CCDC178: variants seen among roughly 807,000 people sequenced by gnomAD.
CCDC178 encodes the protein coiled-coil domain containing 178.
A neutral mutation model predicts 117.4 loss-of-function variants in CCDC178; 126 were observed. The observed-to-expected ratio is 1.07, with a 90% CI of 0.93 to 1.24. The LOEUF (loss-of-function observed/expected upper bound fraction) is 1.24. Ranked by LOEUF, CCDC178 falls within the 50% of genes most tolerant of loss-of-function variation. The pLI, the probability that CCDC178 is intolerant of heterozygous loss-of-function variation, is 0.00. For missense variants in CCDC178, 1,030 were observed against 986.9 expected (o/e 1.04, Z -0.59); for synonymous variants, 283 against 313.4 (o/e 0.90, Z 1.02).
At chr18:33,014,019 C>T (rs1169551597) in intron 21 of CCDC178, among the ~76,000 whole-genome samples, 1 of 152,184 alleles carries the variant, frequency 6.6e-6, no homozygotes, top group African/African-American at 2.4e-5. Flanking sequence ...TCCTTGCCCA[C>T]AGTCTGAAAA....
chr18:33,289,384 G>A (rs1002854947), intron 12 of CCDC178, among the ~76,000 whole-genome samples: 9 of 152,152 alleles, frequency 5.9e-5, no homozygotes, highest in African/African-American at 1.4e-4. Context: ...GAAGGCTGAG[G>A]TGGGTGGATC....
chr18:33,168,135 A>G (rs2058555663), intron 20 of CCDC178, among the ~76,000 whole-genome samples: 3 of 152,078 alleles, frequency 2.0e-5, no homozygotes, highest in Admixed American at 2.0e-4. Flanking sequence ...TGCTTGTGGC[A>G]TCTTTGTTAT....
chr18:32,992,447 T>C (rs2055413872), intron 21 of CCDC178, among the ~76,000 whole-genome samples: 1 of 152,136 alleles, frequency 6.6e-6, no homozygotes, highest in Non-Finnish European at 1.5e-5. Flanking sequence ...GTTTAAAAGA[T>C]GCTTTGAAAG....
intron 5 of CCDC178, among the ~76,000 whole-genome samples, chr18:33,375,978 GAAAGA>G (rs1488834664): frequency 1.3e-5 from 2 of 152,138 alleles, no homozygotes; most frequent in Non-Finnish European, 2.9e-5. Context: ...GGAAAGGAAG[GAAAGA>G]AAAGAAGAAA....
chr18:33,126,784 G>A (rs142229834), intron 20 of CCDC178, among the ~76,000 whole-genome samples: 2 of 151,704 alleles, frequency 1.3e-5, no homozygotes, highest in Non-Finnish European at 2.9e-5. Flanking sequence ...TCAGCCTCCC[G>A]AGTAGCTGGG....
At chr18:33,317,629 T>C (rs989329185) in intron 11 of CCDC178, among the ~76,000 whole-genome samples, 3 of 152,136 alleles carry the variant, frequency 2.0e-5, no homozygotes, top group African/African-American at 7.2e-5. Flanking sequence ...GGGACCCCTT[T>C]CCTGTAACAA....
rs551639847 is a variant in CCDC178, at chr18:33,115,795, G to A, written c.2239-22885C>T. ...TCTGAGTCCTTTCAAGGAGTTAATCGTTCTGCCTCAGTCCAGGTCCATTTT... is the reference window on the plus strand; with the variant it reads ...TCTGAGTCCTTTCAAGGAGTTAATCATTCTGCCTCAGTCCAGGTCCATTTT... On this transcript the variant is annotated intron_variant, in intron 20 of 22. Transcript: ENST00000383096. Among the ~76,000 whole-genome samples the A allele has an allele frequency of 1.3e-3, 195 of 152,018 alleles. 3 individuals carry two copies. Among genetic ancestry groups the A allele is most frequent in the Non-Finnish European group, 8.2e-4 (56 of 67,944 alleles).
intron 20 of CCDC178, among the ~76,000 whole-genome samples, chr18:33,108,344 T>C (rs1225825135): frequency 6.6e-6 from 1 of 151,674 alleles, no homozygotes; most frequent in Admixed American, 6.6e-5. Flanking sequence ...TAAAAAATTA[T>C]GTTTTGCAGA....
intron 20 of CCDC178, among the ~76,000 whole-genome samples, chr18:33,201,622 T>G (rs1026060887): frequency 2.1e-4 from 32 of 151,888 alleles, no homozygotes; most frequent in African/African-American, 7.8e-4. Context: ...TGATGTGGGA[T>G]GTGAAAAAAT....
intron 2 of CCDC178, among the ~76,000 whole-genome samples, chr18:33,438,811 T>C (rs1232962122): frequency 1.3e-5 from 2 of 152,182 alleles, no homozygotes; most frequent in Non-Finnish European, 2.9e-5. Context: ...ATCATCTTCC[T>C]TTCCATGTTG....
intron 11 of CCDC178, among the ~76,000 whole-genome samples, chr18:33,299,940 A>ATTTGTT (rs1428598139): frequency 7.9e-5 from 12 of 152,206 alleles, no homozygotes; most frequent in Non-Finnish European, 1.5e-5. Context: ...AAAAAATAAC[A>ATTTGTT]AATGCTGTTG....
chr18:33,278,434 G>C (rs2059980707), intron 12 of CCDC178, among the ~76,000 whole-genome samples: 1 of 151,514 alleles, frequency 6.6e-6, no homozygotes. Context: ...ATGCCCTCTT[G>C]TTTAAGGAGC....
intron 5 of CCDC178, among the ~76,000 whole-genome samples, chr18:33,386,033 C>G (rs2063487436): frequency 6.6e-6 from 1 of 151,980 alleles, no homozygotes; most frequent in South Asian, 2.1e-4. Context: ...ACTGACCCCA[C>G]AGAAATACAA....
intron 14 of CCDC178, among the ~76,000 whole-genome samples, chr18:33,259,092 A>G (rs1193974268): frequency 7.6e-6 from 1 of 132,448 alleles, no homozygotes; most frequent in Non-Finnish European, 1.6e-5. Flanking sequence ...TTGTAACTGT[A>G]AAAAAAAGGC....
chr18:33,417,535 TACACACACACAC>T (rs60345049), intron 2 of CCDC178, among the ~76,000 whole-genome samples: 7 of 148,194 alleles, frequency 4.7e-5, no homozygotes, highest in Non-Finnish European at 8.9e-5. Flanking sequence ...CAGAGCTGTA[TACACACACACAC>T]ACACACACAC....
In CCDC178 at chr18:33,280,191, G is replaced by A. The variant is rs1457550867; in HGVS notation, c.1177-12894C>T. On this transcript the variant is annotated intron_variant, in intron 12 of 22. Coordinates refer to ENST00000383096, the MANE Select transcript of CCDC178 (RefSeq NM_001105528.4). ...ACCTACAAAATGGGAGAAAATTTTC[G>A]CAACCTATTCATCTGACAAAGGGCT... 5.9e-5 allele frequency among the ~76,000 whole-genome samples: 9 copies of A among 152,102 alleles called. No homozygotes were observed. In the South Asian group the frequency reaches 8.3e-4, roughly 14 times the overall value.
At chr18:33,329,435 A>C (rs2062633355) in intron 10 of CCDC178, among the ~76,000 whole-genome samples, 1 of 152,186 alleles carries the variant, frequency 6.6e-6, no homozygotes, top group Non-Finnish European at 1.5e-5. Context: ...TTTTACAAAA[A>C]TGTCCTTATT....
intron 22 of CCDC178, among the ~76,000 whole-genome samples, chr18:32,940,299 TAGTC>T (rs1327509215): frequency 6.6e-6 from 1 of 152,068 alleles, no homozygotes; most frequent in East Asian, 1.9e-4. Context: ...AGTCAGCATA[TAGTC>T]ATATATTAAA....
chr18:33,390,587 C>T (rs914805708), intron 4 of CCDC178, among the ~76,000 whole-genome samples: 7 of 151,896 alleles, frequency 4.6e-5, no homozygotes, highest in Admixed American at 2.0e-4. Flanking sequence ...AAAACATACT[C>T]GATGCATTTA....
Sources: allele counts gnomAD v4.1 joint callset (sites outside exome capture counted in the v4.1 genomes callset), GRCh38; gene constraint gnomAD v4.1.1; transcripts MANE v1.5; gene names NCBI Gene and HGNC (gene_info 2026-07-23, HGNC 2026-07-21).